The following TMEM26 variants were observed in gnomAD, a reference collection of about 807,000 sequenced individuals.
TMEM26 encodes the protein transmembrane protein 26.
TMEM26 carries 38 observed loss-of-function variants against 28.8 expected under a neutral mutation model. That is an observed-to-expected ratio of 1.32 (90% CI 1.02 to 1.73). The LOEUF (loss-of-function observed/expected upper bound fraction) is 1.73. TMEM26 is among the 40% of genes most tolerant of loss of function. TMEM26 has a pLI of 0.00. For synonymous variants in TMEM26, 227 were observed against 182.9 expected (o/e 1.24, Z -1.95); for missense variants, 518 against 447.1 (o/e 1.16, Z -1.43).
intron 2 of TMEM26, among the ~76,000 whole-genome samples, chr10:61,435,615 G>T (rs1839991737): frequency 6.6e-6 from 1 of 152,156 alleles, no homozygotes; most frequent in South Asian, 2.1e-4. Flanking sequence ...TTTCACTAAG[G>T]CAGCCCGTGG....
intron 1 of TMEM26, among the ~76,000 whole-genome samples, chr10:61,438,335 G>C (rs1171533982): frequency 6.6e-6 from 1 of 152,108 alleles, no homozygotes; most frequent in Non-Finnish European, 1.5e-5. Flanking sequence ...ACATATCAAA[G>C]GAAACATCAG....
intron 1 of TMEM26, among the ~76,000 whole-genome samples, chr10:61,441,619 A>G (rs1457270689): frequency 6.6e-6 from 1 of 152,228 alleles, no homozygotes; most frequent in African/African-American, 2.4e-5. Flanking sequence ...CAAATCATTT[A>G]TATCACGTTT....
chr10:61,425,906 A>G (rs1222347704), intron 4 of TMEM26, among the ~76,000 whole-genome samples: 1 of 152,192 alleles, frequency 6.6e-6, no homozygotes, highest in African/African-American at 2.4e-5. Context: ...TTAAAGCTAT[A>G]CTTAACATAT....
Position 61,409,993 on chromosome 10 carries a change from G to T in TMEM26, c.*329C>A. ...GCTTCTCTATTTCCAGGTAACAGCC[G>T]CGACAGTTGGTCTGCACCAAATCTT... is the stretch of plus-strand genomic sequence containing the variant. On this transcript the variant is annotated 3_prime_UTR_variant, in exon 6 of 6. Coordinates refer to ENST00000399298, the MANE Select transcript of TMEM26 (RefSeq NM_178505.8). 3.9e-6 allele frequency: 1 copy of T among 253,194 alleles called. No homozygotes were observed. The allele number at this position is 253,194 out of a possible 1,614,324, so 15.7% of individuals were successfully genotyped here.
rs115213976 is a variant in TMEM26, at chr10:61,417,139, G to A, written c.606-3604C>T. On this transcript the variant is annotated intron_variant, in intron 4 of 5. Coordinates refer to ENST00000399298, the MANE Select transcript of TMEM26 (RefSeq NM_178505.8). ...ATGGCAAACACTCAAGATCTGTAAA[G>A]GAATTTTGGGTGGATTTATTCACCA... is the stretch of plus-strand genomic sequence containing the variant. Among the ~76,000 whole-genome samples the A allele has an allele frequency of 4.9e-3, 747 of 152,066 alleles. 4 individuals carry two copies. The highest frequency in any genetic ancestry group is 0.016 in the African/African-American group (685 of 41,528).
At chr10:61,430,628 A>AC (rs1839906050) in intron 3 of TMEM26, among the ~76,000 whole-genome samples, 1 of 151,912 alleles carries the variant, frequency 6.6e-6, no homozygotes, top group African/African-American at 2.4e-5. Flanking sequence ...TTGTGGGATA[A>AC]AAGGTTGATA....
At chr10:61,449,133 T>C (rs1564485677) in intron 1 of TMEM26, among the ~76,000 whole-genome samples, 2 of 152,170 alleles carry the variant, frequency 1.3e-5, no homozygotes, top group African/African-American at 4.8e-5. Context: ...AATATGCAGG[T>C]GAAATAGATA....
At chr10:61,444,416 C>G (rs1840144674) in intron 1 of TMEM26, among the ~76,000 whole-genome samples, 1 of 152,034 alleles carries the variant, frequency 6.6e-6, no homozygotes, top group Non-Finnish European at 1.5e-5. Context: ...GATGATAGTA[C>G]TTATTTCTGT....
intron 4 of TMEM26, among the ~76,000 whole-genome samples, chr10:61,427,577 C>T (rs1839852545): frequency 6.6e-6 from 1 of 152,016 alleles, no homozygotes; most frequent in African/African-American, 2.4e-5. Flanking sequence ...TAAATTGCTC[C>T]TTGGTGTCAC....
At chr10:61,428,862 C>T in intron 4 of TMEM26, 64 bp downstream of exon 4, 1 of 1,392,338 alleles carries the variant, frequency 7.2e-7, no homozygotes, top group Non-Finnish European at 1.0e-6. Flanking sequence ...AGTCACAGAA[C>T]AAAGAGACAG....
intron 1 of TMEM26, among the ~76,000 whole-genome samples, chr10:61,449,439 A>G (rs1160937140): frequency 6.6e-6 from 1 of 152,186 alleles, no homozygotes; most frequent in Admixed American, 6.5e-5. Context: ...TTCCAGTTCC[A>G]TGTTTCCTTT....
At chr10:61,444,934 G>A (rs930751087) in intron 1 of TMEM26, among the ~76,000 whole-genome samples, 1 of 152,100 alleles carries the variant, frequency 6.6e-6, no homozygotes, top group African/African-American at 2.4e-5. Context: ...TGTGTGCAAT[G>A]CCAATGCCTG....
chr10:61,437,044 AT>A (rs1840019500), intron 1 of TMEM26, among the ~76,000 whole-genome samples: 3 of 152,094 alleles, frequency 2.0e-5, no homozygotes, highest in African/African-American at 7.2e-5. Context: ...ACAGACATTA[AT>A]TTTCTTGTAG....
rs1839503589 is a variant in TMEM26 at position 61,406,861 on chromosome 10, G to A, written c.*3461C>T. On this transcript the variant is annotated 3_prime_UTR_variant, in exon 6 of 6. Transcript: ENST00000399298. ...CCCTGCATATGGAAACTTATTTGAA[G>A]CCTCAAAGCTGTAAACATCCTCCAG... is the stretch of plus-strand genomic sequence containing the variant. The A allele has an allele frequency of 6.6e-6, 1 of 151,926 alleles. No individual in the cohort carries two copies. The highest frequency in any genetic ancestry group is 2.4e-5 in the African/African-American group (1 of 41,378). The allele number at this position is 151,926 out of a possible 1,614,324, so 9.4% of individuals were successfully genotyped here.
intron 4 of TMEM26, chr10:61,414,385 A>AT (rs1368116767): frequency 1.3e-5 from 2 of 152,054 alleles, no homozygotes; most frequent in Admixed American, 6.6e-5. Flanking sequence ...ATCAAAAGAG[A>AT]TTTTCAGATT....
At chr10:61,436,534 G>A (rs1164381089) in intron 1 of TMEM26, among the ~76,000 whole-genome samples, 2 of 152,122 alleles carry the variant, frequency 1.3e-5, no homozygotes, top group Non-Finnish European at 2.9e-5. Flanking sequence ...GGTTTAATGG[G>A]ACACTGCCAA....
intron 4 of TMEM26, among the ~76,000 whole-genome samples, chr10:61,423,704 A>G (rs528318704): frequency 1.3e-4 from 20 of 152,074 alleles, no homozygotes; most frequent in Non-Finnish European, 2.4e-4. Flanking sequence ...TGGTGCCTAG[A>G]CCCGGGCTAA....
intron 5 of TMEM26, among the ~76,000 whole-genome samples, chr10:61,411,571 G>A (rs1441250214): frequency 1.3e-5 from 2 of 152,170 alleles, no homozygotes; most frequent in South Asian, 4.1e-4. Flanking sequence ...TTCAAATGAT[G>A]GAGGGAAAAA....
At chr10:61,449,197 C>T (rs539935738) in intron 1 of TMEM26, among the ~76,000 whole-genome samples, 13 of 151,464 alleles carry the variant, frequency 8.6e-5, no homozygotes, top group Admixed American at 2.6e-4. Context: ...TTTAGCTTAA[C>T]GGGGGACATG....
Sources: allele counts gnomAD v4.1 joint callset (sites outside exome capture counted in the v4.1 genomes callset), GRCh38; gene constraint gnomAD v4.1.1; transcripts MANE v1.5; gene names NCBI Gene and HGNC (gene_info 2026-07-23, HGNC 2026-07-21).